LRP1B: variants seen among roughly 807,000 people sequenced by gnomAD.
The protein encoded by LRP1B is LDL receptor related protein 1B, also known as low-density lipoprotein receptor-related protein 1B.
In LRP1B, 217 loss-of-function variants were observed where a neutral mutation model predicts 556.6. The ratio of observed to expected loss-of-function variants is 0.39; its 90% confidence interval spans 0.35 to 0.44. The LOEUF (loss-of-function observed/expected upper bound fraction) is 0.44. LRP1B is among the 20% of genes least tolerant of loss of function. The probability of loss-of-function intolerance (pLI) is 1.00; values close to 1 mark genes in which losing one functional copy is unlikely to be tolerated. For missense variants in LRP1B, 5,053 were observed against 5,620.8 expected, an observed-to-expected ratio of 0.90 and a Z score of 3.23; for synonymous variants, 2,047 against 1,865.8, an observed-to-expected ratio of 1.10 and a Z score of -2.50.
At chr2:140,370,571 C>T in intron 71 of LRP1B, 139 bp downstream of exon 71, 1 of 1,179,514 alleles carries the variant, frequency 8.5e-7, no homozygotes, top group Non-Finnish European at 1.2e-6. Flanking sequence ...GACCAGGCTG[C>T]TATGTAATGA....
intron 2 of LRP1B, among the ~76,000 whole-genome samples, chr2:141,750,989 T>C (rs1340461947): frequency 6.6e-6 from 1 of 152,014 alleles, no homozygotes; most frequent in African/African-American, 2.4e-5. Context: ...AGTATACTCA[T>C]TAATCTCAAG....
chr2:141,017,751 T>C (rs920744476), intron 12 of LRP1B, among the ~76,000 whole-genome samples: 2 of 151,634 alleles, frequency 1.3e-5, no homozygotes, highest in African/African-American at 4.8e-5. Flanking sequence ...TCCCAGCACT[T>C]TGGGAGGCTG....
At chr2:142,053,502 G>A (rs2105235660) in intron 1 of LRP1B, among the ~76,000 whole-genome samples, 1 of 151,898 alleles carries the variant, frequency 6.6e-6, no homozygotes, top group South Asian at 2.1e-4. Context: ...ATACACACAT[G>A]TAAAGATTAT....
At chr2:141,631,231 C>T (rs997727591) in intron 2 of LRP1B, among the ~76,000 whole-genome samples, 4 of 152,114 alleles carry the variant, frequency 2.6e-5, no homozygotes, top group South Asian at 2.1e-4. Context: ...CACTCACTAT[C>T]ATGAGAACAG....
At position 141,088,322 on chromosome 2, in the gene LRP1B, A is replaced by T. The variant is rs969176244; in HGVS notation, c.1014-26049T>A. ...ATTTGCCTATTTCTTTAATTACATC[A>T]ATTTCACTTCTACTCAATGAGTCTC... On this transcript the variant is annotated intron_variant, in intron 7 of 90. Transcript: ENST00000389484. Among the ~76,000 whole-genome samples, 88 of 152,290 alleles carry T rather than the reference A, an allele frequency of 5.8e-4. 1 individual carries two copies. The highest frequency in any genetic ancestry group is 1.8e-3 in the African/African-American group (76 of 41,564).
chr2:141,110,385 G>T (rs919648863), intron 7 of LRP1B, among the ~76,000 whole-genome samples: 2 of 151,964 alleles, frequency 1.3e-5, no homozygotes, highest in Admixed American at 1.3e-4. Flanking sequence ...TCCTATTTAG[G>T]TTTAGTACCT....
intron 25 of LRP1B, among the ~76,000 whole-genome samples, chr2:140,881,185 G>A (rs993286290): frequency 3.9e-5 from 6 of 151,906 alleles, no homozygotes; most frequent in African/African-American, 9.7e-5. Context: ...CACTAAGATA[G>A]TAAGCTGAGT....
intron 3 of LRP1B, among the ~76,000 whole-genome samples, chr2:141,297,344 A>C (rs979300873): frequency 6.6e-6 from 1 of 152,230 alleles, no homozygotes; most frequent in Non-Finnish European, 1.5e-5. Flanking sequence ...GGGAATGCCT[A>C]TGCACTGTTG....
chr2:140,484,033 C>T (rs1028052900), intron 59 of LRP1B, among the ~76,000 whole-genome samples: 1 of 152,096 alleles, frequency 6.6e-6, no homozygotes, highest in Non-Finnish European at 1.5e-5. Context: ...AAATTTAGTA[C>T]ATCTGGCCAT....
At chr2:142,032,047 C>T (rs1295123330) in intron 1 of LRP1B, among the ~76,000 whole-genome samples, 1 of 151,822 alleles carries the variant, frequency 6.6e-6, no homozygotes, top group African/African-American at 2.4e-5. Flanking sequence ...CCTGCCAACG[C>T]CTTGATCTCA....
At chr2:140,367,000 C>A (rs1682790981) in intron 71 of LRP1B, among the ~76,000 whole-genome samples, 1 of 151,508 alleles carries the variant, frequency 6.6e-6, no homozygotes, top group South Asian at 2.1e-4. Flanking sequence ...GAGATCGGAG[C>A]AAAATGAATG....
intron 3 of LRP1B, among the ~76,000 whole-genome samples, chr2:141,330,159 C>A (rs546331249): frequency 7.2e-5 from 11 of 152,232 alleles, no homozygotes; most frequent in Admixed American, 4.6e-4. Context: ...TCCAGAATTG[C>A]ACAAATTTGA....
At chr2:141,885,932 T>C (rs974765459) in intron 1 of LRP1B, among the ~76,000 whole-genome samples, 1 of 152,214 alleles carries the variant, frequency 6.6e-6, no homozygotes. Flanking sequence ...ATATGTGCTC[T>C]GGTTTCTAGG....
At chr2:140,642,671 C>A (rs925066271) in intron 41 of LRP1B, among the ~76,000 whole-genome samples, 1 of 152,038 alleles carries the variant, frequency 6.6e-6, no homozygotes. Context: ...GAAACCCCAT[C>A]TCTACTAAAA....
intron 56 of LRP1B, among the ~76,000 whole-genome samples, chr2:140,494,905 A>G (rs1688851254): frequency 6.6e-6 from 1 of 152,116 alleles, no homozygotes; most frequent in Non-Finnish European, 1.5e-5. Context: ...AGCGGAATAG[A>G]GATGCCCTTA....
At chr2:140,509,903 A>T (rs1558931899) in intron 52 of LRP1B, 25 bp downstream of exon 52, 1 of 1,600,222 alleles carries the variant, frequency 6.2e-7, no homozygotes, top group South Asian at 1.1e-5. Flanking sequence ...TTTCTTTGAC[A>T]TGCAGCCCTG....
chr2:141,010,583 C>T (rs768335847), intron 14 of LRP1B, among the ~76,000 whole-genome samples: 11 of 151,810 alleles, frequency 7.2e-5, no homozygotes, highest in Admixed American at 2.6e-4. Flanking sequence ...GGAACATTCT[C>T]GGCTCACTGC....
intron 3 of LRP1B, among the ~76,000 whole-genome samples, chr2:141,272,637 C>T (rs1384390566): frequency 6.6e-6 from 1 of 151,816 alleles, no homozygotes; most frequent in African/African-American, 2.4e-5. Context: ...ATGTAGCATG[C>T]AAATAGCAAC....
chr2:140,984,697 G>C (rs1696866410), intron 17 of LRP1B, among the ~76,000 whole-genome samples: 1 of 152,030 alleles, frequency 6.6e-6, no homozygotes, highest in South Asian at 2.1e-4. Flanking sequence ...CTCTGAAGCT[G>C]GAGGAACTGT....
Sources: allele counts gnomAD v4.1 joint callset (sites outside exome capture counted in the v4.1 genomes callset), GRCh38; gene constraint gnomAD v4.1.1; transcripts MANE v1.5; gene names NCBI Gene and HGNC (gene_info 2026-07-23, HGNC 2026-07-21).